Variants in CFAP299 observed in about 807,000 individuals in gnomAD.
CFAP299 encodes the protein cilia- and flagella-associated protein 299.
In CFAP299, 21 loss-of-function variants were observed where a neutral mutation model predicts 27.0. That is an observed-to-expected ratio of 0.78 (90% CI 0.55 to 1.12). The LOEUF is 1.12. Ranked by LOEUF, CFAP299 falls within the 50% of genes most tolerant of loss-of-function variation. The pLI is 0.00. For synonymous variants in CFAP299, 104 were observed against 98.1 expected, an observed-to-expected ratio of 1.06 and a Z score of -0.36; for missense variants, 310 against 276.6, an observed-to-expected ratio of 1.12 and a Z score of -0.86.
intron 3 of CFAP299, among the ~76,000 whole-genome samples, chr4:80,792,806 A>AT: frequency 6.6e-6 from 1 of 152,282 alleles, no homozygotes; most frequent in East Asian, 1.9e-4. Context: ...TTAAATCTAA[A>AT]TAAAAACTTG....
chr4:80,676,424 T>A (rs1719459115), intron 3 of CFAP299, among the ~76,000 whole-genome samples: 1 of 152,214 alleles, frequency 6.6e-6, no homozygotes, highest in Admixed American at 6.5e-5. Flanking sequence ...GTTTTATTTT[T>A]GTTATATCCT....
rs780247297 is a variant in CFAP299 at position 80,944,985 on chromosome 4, T to C, written c.606+46T>C. On this transcript the variant is annotated intron_variant, in intron 5 of 5. Transcript: ENST00000358105. ...AGTTAGTTACCTCTTCACATGTTAT[T>C]GTATTTCTGCCACTATTCAAAAAAT... is the stretch of plus-strand genomic sequence containing the variant. 7.1e-6 allele frequency: 11 copies of C among 1,544,264 alleles called. No individual in the cohort carries two copies. The South Asian group carries it at 1.2e-4, about 16-fold the overall frequency.
At chr4:80,659,183 T>A (rs1740708549) in intron 3 of CFAP299, among the ~76,000 whole-genome samples, 1 of 151,954 alleles carries the variant, frequency 6.6e-6, no homozygotes, top group Non-Finnish European at 1.5e-5. Context: ...AAATATAAAA[T>A]CGAAAGCAAA....
At chr4:80,573,281 T>C (rs1213102910) in intron 2 of CFAP299, among the ~76,000 whole-genome samples, 1 of 152,150 alleles carries the variant, frequency 6.6e-6, no homozygotes, top group Non-Finnish European at 1.5e-5. Flanking sequence ...TTTTGAGACA[T>C]GTCTATTCAA....
chr4:80,413,564 A>G (rs1422423103), intron 2 of CFAP299, among the ~76,000 whole-genome samples: 2 of 152,188 alleles, frequency 1.3e-5, no homozygotes, highest in South Asian at 2.1e-4. Context: ...GGAACAAGAA[A>G]CTGGAGGAAC....
the CFAP299 span, among the ~76,000 whole-genome samples, chr4:80,330,267 C>T: frequency 7.9e-5 from 12 of 152,142 alleles, no homozygotes; most frequent in Non-Finnish European, 1.6e-4. Flanking sequence ...ACCTCCCCTC[C>T]AGTCATTTAC....
chr4:80,659,987 T>C (rs745576688), intron 3 of CFAP299, among the ~76,000 whole-genome samples: 3 of 152,096 alleles, frequency 2.0e-5, no homozygotes, highest in Non-Finnish European at 4.4e-5. Flanking sequence ...TTATGGGAAA[T>C]CTTGTAATGA....
intron 2 of CFAP299, among the ~76,000 whole-genome samples, chr4:80,477,032 A>G (rs1296780228): frequency 6.6e-6 from 1 of 151,262 alleles, no homozygotes; most frequent in East Asian, 1.9e-4. Context: ...TTTAGACTGT[A>G]TCTTCTATGT....
At chr4:80,604,737 T>C (rs1737554730) in intron 3 of CFAP299, among the ~76,000 whole-genome samples, 1 of 152,180 alleles carries the variant, frequency 6.6e-6, no homozygotes, top group Non-Finnish European at 1.5e-5. Context: ...CAAAGTGAGA[T>C]GCTTACATTT....
chr4:80,571,170 A>G (rs1028993158), intron 2 of CFAP299, among the ~76,000 whole-genome samples: 3 of 152,138 alleles, frequency 2.0e-5, no homozygotes, highest in Non-Finnish European at 2.9e-5. Context: ...AGTTGTGAGC[A>G]GGACGGAGTG....
At chr4:80,839,503 T>C (rs1274662466) in intron 3 of CFAP299, among the ~76,000 whole-genome samples, 1 of 152,140 alleles carries the variant, frequency 6.6e-6, no homozygotes, top group Non-Finnish European at 1.5e-5. Flanking sequence ...CTCAAGACTT[T>C]ACTGGCAGCC....
intron 3 of CFAP299, among the ~76,000 whole-genome samples, chr4:80,689,778 G>T (rs186814815): frequency 6.6e-6 from 1 of 152,294 alleles, no homozygotes; most frequent in East Asian, 1.9e-4. Context: ...ACCCATCAGT[G>T]TGCTGTATTC....
At chr4:80,571,921 C>A (rs1309711878) in intron 2 of CFAP299, among the ~76,000 whole-genome samples, 1 of 152,234 alleles carries the variant, frequency 6.6e-6, no homozygotes, top group Non-Finnish European at 1.5e-5. Context: ...CCATTTGCCA[C>A]GGCAGCCCAA....
In CFAP299 at chr4:80,940,090, G is replaced by A. The variant is rs1578254510; in HGVS notation, c.477-4720G>A. 3.3e-5 allele frequency among the ~76,000 whole-genome samples: 5 copies of A among 152,278 alleles called. 1 individual carries two copies. The highest frequency in any genetic ancestry group is 3.3e-4 in the Admixed American group (5 of 15,290). On this transcript the variant is annotated intron_variant, in intron 4 of 5. Transcript: ENST00000358105. ...ATCTCAGCAGCGCACATAGAATGAA[G>A]AGGGTGCATATTAGCCAGTAAGGGA...
chr4:80,937,777 T>C lies in CFAP299; in HGVS notation c.477-7033T>C, dbSNP rs571791438. Among the ~76,000 whole-genome samples the C allele has an allele frequency of 1.1e-4, 17 of 152,306 alleles. No homozygotes were observed. The East Asian group carries it at 3.3e-3, about 29-fold the overall frequency. ...ACTTTTTATTGCCATTTCATTGTTT[T>C]CAAAATGTTTTGTAGTTCTTGTTCT... On this transcript the variant is annotated intron_variant, in intron 4 of 5. Coordinates refer to ENST00000358105, the MANE Select transcript of CFAP299 (RefSeq NM_152770.3).
chr4:80,871,469 C>T (rs1733093141), intron 4 of CFAP299: 7 of 985,346 alleles, frequency 7.1e-6, no homozygotes, highest in East Asian at 1.1e-4. Flanking sequence ...TTTCCAAACT[C>T]AATTGAGTCC....
At chr4:80,346,674 G>C (rs1359180269) in intron 1 of CFAP299, among the ~76,000 whole-genome samples, 1 of 152,182 alleles carries the variant, frequency 6.6e-6, no homozygotes, top group Non-Finnish European at 1.5e-5. Flanking sequence ...TTTGGTTACT[G>C]TAGCCTTGTA....
At chr4:80,322,770 TGGA>T in the CFAP299 span, among the ~76,000 whole-genome samples, 3 of 152,348 alleles carry the variant, frequency 2.0e-5, no homozygotes, top group South Asian at 4.1e-4. Flanking sequence ...GATCTTTGGC[TGGA>T]ATTTCAGGTA....
At chr4:80,445,286 A>T (rs1195533009) in intron 2 of CFAP299, among the ~76,000 whole-genome samples, 1 of 152,248 alleles carries the variant, frequency 6.6e-6, no homozygotes, top group Non-Finnish European at 1.5e-5. Flanking sequence ...GATGCCCAAC[A>T]ATGATAGAGT....
Sources: allele counts gnomAD v4.1 joint callset (sites outside exome capture counted in the v4.1 genomes callset), GRCh38; gene constraint gnomAD v4.1.1; transcripts MANE v1.5; gene names NCBI Gene and HGNC (gene_info 2026-07-23, HGNC 2026-07-21).